The following EIF4E2 variants were observed in gnomAD, a reference collection of about 807,000 sequenced individuals.
The protein encoded by EIF4E2 is eukaryotic translation initiation factor 4E family member 2, also known as eukaryotic translation initiation factor 4E type 2.
In EIF4E2, 13 loss-of-function variants were observed where a neutral mutation model predicts 34.2. The observed-to-expected ratio is 0.38, with a 90% CI of 0.25 to 0.60. The LOEUF (loss-of-function observed/expected upper bound fraction) is 0.60. EIF4E2 is among the 20% of genes least tolerant of loss of function. The pLI, the probability that EIF4E2 is intolerant of heterozygous loss-of-function variation, is 0.62. For missense variants in EIF4E2, 222 were observed against 315.1 expected (o/e 0.70, Z 2.24); for synonymous variants, 100 against 106.6 (o/e 0.94, Z 0.38).
chr2:232,579,159 CA>C (rs1693287926), intron 6 of EIF4E2, among the ~76,000 whole-genome samples: 2 of 143,764 alleles, frequency 1.4e-5, no homozygotes, highest in South Asian at 2.1e-4. Flanking sequence ...CACACACACA[CA>C]CACACACCAG....
At position 232,568,583 on chromosome 2, in the gene EIF4E2, C is replaced by T. The variant is rs545498318; in HGVS notation, c.666-362C>T. On this transcript the variant is annotated intron_variant, in intron 6 of 6. Transcript: ENST00000258416. ...TCAAGGTTTCTGAATATCCCCTACT[C>T]CCACTTACCCCCAAAATAAGCTTTT... 8.3e-5 allele frequency: 82 copies of T among 985,444 alleles called. No individual in the cohort carries two copies. The Middle Eastern group carries it at 1.6e-3, about 19-fold the overall frequency. The allele number at this position is 985,444 out of a possible 1,614,324, so 61.0% of individuals were successfully genotyped here.
At chr2:232,571,936 C>T (rs146423497), downstream of EIF4E2, among the ~76,000 whole-genome samples, 365 of 152,310 alleles carry the variant, frequency 2.4e-3, 2 homozygotes, top group African/African-American at 8.4e-3. Flanking sequence ...GGCTATGAAC[C>T]TTGCAGCCTT....
At chr2:232,557,315 G>A (rs981665517) in intron 2 of EIF4E2, among the ~76,000 whole-genome samples, 23 of 130,612 alleles carry the variant, frequency 1.8e-4, no homozygotes, top group African/African-American at 7.1e-4. Context: ...AACCCTCCAA[G>A]GGTTACTAGC....
chr2:232,557,988 G>C lies in EIF4E2; in HGVS notation c.240G>C (p.Gln80His). Residue 80 changes from glutamine (Q) to histidine (H), a missense_variant, in exon 3 of 7, where the codon CAG becomes CAC. Gln to His is a conservative substitution (Grantham distance 24, BLOSUM62 0). This residue lies in a region of EIF4E2 where 105 missense variants were observed against 195.1 expected (regional missense o/e 0.54). Transcript: ENST00000258416. ...GRPTSSQSYE[Q>H]NIKQIGTFAS... ...CCACGAGCTCACAGAGCTATGAACA[G>C]AATATCAAACAGATTGGCACCTTTG... The C allele has an allele frequency of 6.2e-7, 1 of 1,614,166 alleles. No homozygotes were observed. Among genetic ancestry groups the C allele is most frequent in the Non-Finnish European group, 8.5e-7 (1 of 1,180,022 alleles).
At chr2:232,577,652 G>A (rs1380562511) in intron 6 of EIF4E2, among the ~76,000 whole-genome samples, 1 of 152,238 alleles carries the variant, frequency 6.6e-6, no homozygotes, top group Non-Finnish European at 1.5e-5. Flanking sequence ...GGAATGTGAA[G>A]TTGGAAGCCA....
Position 232,567,846 on chromosome 2 carries a change from T to C in EIF4E2, c.665+632T>C, listed in dbSNP as rs1281274795. The C allele has an allele frequency of 3.0e-6, 3 of 985,336 alleles. No homozygotes were observed. The East Asian group carries it at 3.4e-4, about 112-fold the overall frequency. The allele number at this position is 985,336 out of a possible 1,614,324, so 61.0% of individuals were successfully genotyped here. On this transcript the variant is annotated intron_variant, in intron 6 of 6. Coordinates refer to ENST00000258416, the MANE Select transcript of EIF4E2 (RefSeq NM_004846.4). ...CACTGTTAGGCTTGCTCCTCAGTGATTGAGTGTCAGAAGTAAGCTCAGGCT... is the reference window on the plus strand; with the variant it reads ...CACTGTTAGGCTTGCTCCTCAGTGACTGAGTGTCAGAAGTAAGCTCAGGCT...
At chr2:232,563,437 A>G (rs1550099) in intron 3 of EIF4E2, among the ~76,000 whole-genome samples, 40,470 of 151,388 alleles carry the variant, frequency 0.27, 5,654 homozygotes, top group Admixed American at 0.38. Context: ...TGAGAAAAAC[A>G]GGACTACTGT....
At chr2:232,564,189 T>C in intron 3 of EIF4E2, 58 bp from the exon 4 acceptor site, 2 of 1,125,136 alleles carry the variant, frequency 1.8e-6, no homozygotes, top group South Asian at 2.7e-5. Flanking sequence ...AACCTTGGGA[T>C]GCATTCAAAG....
Position 232,564,697 on chromosome 2 carries a change from C to T in EIF4E2, c.375+346C>T, listed in dbSNP as rs901481319. The stretch of plus-strand genomic sequence containing the variant: ...CGATCTCCTGACCTCGTGATCCGCC[C>T]GCCTTGGACTCCCAAAATGCTGGGA... On this transcript the variant is annotated intron_variant, in intron 4 of 6. Transcript: ENST00000258416. 3.9e-5 allele frequency among the ~76,000 whole-genome samples: 6 copies of T among 152,182 alleles called. No homozygotes were observed. In the South Asian group the frequency reaches 1.0e-3, roughly 26 times the overall value.
At chr2:232,575,987 C>T (rs1186875784) in intron 6 of EIF4E2, among the ~76,000 whole-genome samples, 7 of 152,040 alleles carry the variant, frequency 4.6e-5, no homozygotes, top group Admixed American at 3.3e-4. Context: ...GGGCAGATCA[C>T]GAGGTCAAGA....
chr2:232,559,541 T>G (rs1692646151), intron 3 of EIF4E2, among the ~76,000 whole-genome samples: 1 of 152,126 alleles, frequency 6.6e-6, no homozygotes, highest in Non-Finnish European at 1.5e-5. Flanking sequence ...AATACATACT[T>G]TATTTGTATA....
Position 232,556,636 on chromosome 2 carries a change from T to G in EIF4E2, c.135+106T>G, listed in dbSNP as rs1327368344. 3 of 787,020 alleles carry G rather than the reference T, an allele frequency of 3.8e-6. No individual in the cohort carries two copies. The African/African-American group carries it at 5.2e-5, about 14-fold the overall frequency. 48.8% of individuals were successfully genotyped at this position (787,020 alleles called of 1,614,324 possible). A position where few individuals can be genotyped will look rare whatever the true frequency, so the allele number is the denominator to read the frequency against. On this transcript the variant is annotated intron_variant, in intron 2 of 6. Coordinates refer to ENST00000258416, the MANE Select transcript of EIF4E2 (RefSeq NM_004846.4). ...ACCAGATTAACTTGATGGCATCCTG[T>G]GTTGGAATATCTGACTTTGTTCTCA...
intron 2 of EIF4E2, 97 bp downstream of exon 2, chr2:232,556,627 G>A: frequency 3.5e-6 from 3 of 849,754 alleles, no homozygotes; most frequent in South Asian, 1.5e-5. Context: ...TTAACTTGAT[G>A]GCATCCTGTG....
At chr2:232,569,321 A>C (rs1302065625), downstream of EIF4E2, 2 of 1,076,452 alleles carry the variant, frequency 1.9e-6, no homozygotes, top group Non-Finnish European at 2.4e-6. Context: ...CCATCCGGGG[A>C]ATGCAGCCTC....
intron 1 of EIF4E2, among the ~76,000 whole-genome samples, chr2:232,554,097 G>A (rs1692435626): frequency 6.6e-6 from 1 of 152,156 alleles, no homozygotes; most frequent in Admixed American, 6.5e-5. Flanking sequence ...TTTTTGATCA[G>A]GAGACAGAAC....
At position 232,567,060 on chromosome 2, in the gene EIF4E2, C is replaced by T; in HGVS notation, c.529-18C>T. 1 of 1,610,866 alleles carries T rather than the reference C, an allele frequency of 6.2e-7. No individual in the cohort carries two copies. Among genetic ancestry groups the T allele is most frequent in the Non-Finnish European group, 8.5e-7 (1 of 1,178,284 alleles). On this transcript the variant is annotated intron_variant, in intron 5 of 6. Transcript: ENST00000258416. ...TGCCCCTGATTTGCTTTGATGATTCCTTCTGTTCCTCTGGTAGGAAGACAT... is the reference window on the plus strand; with the variant it reads ...TGCCCCTGATTTGCTTTGATGATTCTTTCTGTTCCTCTGGTAGGAAGACAT...
intron 6 of EIF4E2, chr2:232,580,797 A>G (rs2106259349): frequency 2.0e-6 from 2 of 1,019,502 alleles, no homozygotes; most frequent in Middle Eastern, 6.3e-4. Flanking sequence ...GGGATATGTC[A>G]TGGAGACCCC....
intron 6 of EIF4E2, among the ~76,000 whole-genome samples, chr2:232,575,453 T>C (rs1349426404): frequency 1.3e-5 from 2 of 152,224 alleles, no homozygotes; most frequent in African/African-American, 4.8e-5. Flanking sequence ...TTTAAAATGA[T>C]TCTCTTTAAG....
intron 3 of EIF4E2, among the ~76,000 whole-genome samples, chr2:232,562,642 A>T (rs1263383174): frequency 6.6e-6 from 1 of 152,180 alleles, no homozygotes; most frequent in Non-Finnish European, 1.5e-5. Flanking sequence ...GATTGGGGAG[A>T]CCAAACTGTT....
Sources: gnomAD v4.1 joint callset for allele counts (sites outside exome capture counted in the v4.1 genomes callset) on GRCh38, gnomAD v4.1.1 for gene constraint, gnomAD v4.1.1 regional missense constraint, MANE v1.5 for transcripts, NCBI Gene and HGNC (gene_info 2026-07-23, HGNC 2026-07-21) for gene names.